FRAS1: variants seen among roughly 807,000 people sequenced by gnomAD.
FRAS1 encodes Fraser extracellular matrix complex subunit 1.
In FRAS1, 290 loss-of-function variants were observed where a neutral mutation model predicts 435.2. That is an observed-to-expected ratio of 0.67 (90% CI 0.61 to 0.73). FRAS1 has a LOEUF of 0.73. FRAS1 is among the 30% of genes least tolerant of loss of function. FRAS1 has a pLI of 0.00. For synonymous variants in FRAS1, 1,800 were observed against 1,851.0 expected, an observed-to-expected ratio of 0.97 and a Z score of 0.71; for missense variants, 4,860 against 5,001.5, an observed-to-expected ratio of 0.97 and a Z score of 0.85.
At chr4:78,215,797 A>T (rs1015907798) in intron 2 of FRAS1, among the ~76,000 whole-genome samples, 9 of 152,192 alleles carry the variant, frequency 5.9e-5, no homozygotes, top group Non-Finnish European at 1.2e-4. Context: ...TTCCTTCCTA[A>T]GCTGATTGAT....
intron 1 of FRAS1, among the ~76,000 whole-genome samples, chr4:78,062,763 G>A (rs1739815820): frequency 6.6e-6 from 1 of 152,158 alleles, no homozygotes. Flanking sequence ...TGCAAGAAAT[G>A]AGCCAGCCAC....
chr4:78,536,511 G>A (rs1022564453), intron 71 of FRAS1, among the ~76,000 whole-genome samples: 1 of 152,130 alleles, frequency 6.6e-6, no homozygotes, highest in African/African-American at 2.4e-5. Flanking sequence ...GTGACCTTCA[G>A]CAAATCACTT....
At chr4:78,249,655 G>A (rs143963233) in intron 4 of FRAS1, among the ~76,000 whole-genome samples, 1,578 of 152,138 alleles carry the variant, frequency 0.01, 12 homozygotes, top group Middle Eastern at 0.017. Context: ...ACAATTCTCA[G>A]GCTTTTGGGA....
At chr4:78,146,061 T>C (rs771583248) in intron 2 of FRAS1, among the ~76,000 whole-genome samples, 5 of 152,202 alleles carry the variant, frequency 3.3e-5, no homozygotes, top group Non-Finnish European at 7.3e-5. Flanking sequence ...TATTTCTTTA[T>C]GGCAGCATGA....
chr4:78,097,073 T>G (rs997261685), intron 2 of FRAS1, among the ~76,000 whole-genome samples: 1 of 152,202 alleles, frequency 6.6e-6, no homozygotes, highest in Non-Finnish European at 1.5e-5. Flanking sequence ...TTCTGCCAGA[T>G]ACCCTAAATC....
At chr4:78,380,717 T>G (rs1731980169) in intron 27 of FRAS1, among the ~76,000 whole-genome samples, 1 of 152,220 alleles carries the variant, frequency 6.6e-6, no homozygotes, top group South Asian at 2.1e-4. Context: ...CAGCATAGAC[T>G]CTATGTATAA....
chr4:78,229,626 A>G (rs554752673), intron 2 of FRAS1, among the ~76,000 whole-genome samples: 1 of 152,248 alleles, frequency 6.6e-6, no homozygotes, highest in African/African-American at 2.4e-5. Context: ...AAAGTCAGAG[A>G]GTAGAAGTAA....
At chr4:78,276,315 C>T (rs141254153) in intron 9 of FRAS1, among the ~76,000 whole-genome samples, 4,783 of 152,326 alleles carry the variant, frequency 0.031, 253 homozygotes, top group African/African-American at 0.11. Flanking sequence ...TCTCTCAGCT[C>T]GTCAAAGTCA....
intron 1 of FRAS1, among the ~76,000 whole-genome samples, chr4:78,061,169 A>G (rs1282972000): frequency 6.6e-6 from 1 of 152,220 alleles, no homozygotes; most frequent in East Asian, 1.9e-4. Flanking sequence ...CAAAAGAAAT[A>G]TCAAAAGAAA....
chr4:78,258,208 G>T (rs1413507936), intron 6 of FRAS1, among the ~76,000 whole-genome samples: 5 of 152,014 alleles, frequency 3.3e-5, no homozygotes, highest in African/African-American at 1.2e-4. Flanking sequence ...GGACATGATG[G>T]TTCATGCCTG....
At chr4:78,212,081 A>T (rs532652270) in intron 2 of FRAS1, among the ~76,000 whole-genome samples, 1 of 152,214 alleles carries the variant, frequency 6.6e-6, no homozygotes, top group Non-Finnish European at 1.5e-5. Flanking sequence ...ATATATATAC[A>T]CATTCATTCA....
intron 66 of FRAS1, among the ~76,000 whole-genome samples, chr4:78,517,959 AC>A (rs1336135151): frequency 2.0e-5 from 3 of 152,002 alleles, no homozygotes; most frequent in East Asian, 1.9e-4. Flanking sequence ...TTTAAAAAGA[AC>A]AAAAAGAGGG....
At chr4:78,113,600 G>T (rs990882912) in intron 2 of FRAS1, among the ~76,000 whole-genome samples, 2 of 152,190 alleles carry the variant, frequency 1.3e-5, no homozygotes, top group African/African-American at 4.8e-5. Flanking sequence ...ATTTTTTCAT[G>T]TGTCTTTTGG....
At chr4:78,311,198 C>T (rs1053647526) in intron 15 of FRAS1, among the ~76,000 whole-genome samples, 12 of 151,384 alleles carry the variant, frequency 7.9e-5, no homozygotes, top group Non-Finnish European at 1.5e-4. Flanking sequence ...TTTTTTCTTT[C>T]TCCCTTTTTT....
chr4:78,419,038 C>G lies in FRAS1; in HGVS notation c.4515C>G (p.Ile1505Met). 1 of 1,576,876 alleles carries G rather than the reference C, an allele frequency of 6.3e-7. No individual in the cohort carries two copies. Among genetic ancestry groups the G allele is most frequent in the Non-Finnish European group, 8.6e-7 (1 of 1,164,250 alleles). ...EKPSGKIVYN[I>M]TLPLHPNQGI... ...CAAGTGGAAAGATTGTCTACAACAT[C>G]ACTCTACCTCTGCATCCAAATCAAG... The change falls in exon 33 of 74, where the codon ATC becomes ATG. Residue 1505 changes from isoleucine (I) to methionine (M), a missense_variant. By Grantham distance (10) the Ile-to-Met change is conservative. Transcript: ENST00000512123.
chr4:78,391,901 A>T (rs571588314), intron 29 of FRAS1, among the ~76,000 whole-genome samples: 1 of 152,346 alleles, frequency 6.6e-6, no homozygotes, highest in South Asian at 2.1e-4. Flanking sequence ...AGTTACAAAT[A>T]TCAATGGCAT....
intron 2 of FRAS1, among the ~76,000 whole-genome samples, chr4:78,164,225 C>T (rs1284951658): frequency 6.6e-6 from 1 of 152,100 alleles, no homozygotes; most frequent in Admixed American, 6.6e-5. Context: ...GTGTGGGATG[C>T]TCAGGAGTTT....
At position 78,249,064 on chromosome 4, in the gene FRAS1, C is replaced by CATATATATATATATATATGCATATATAT. The variant is rs60505131; in HGVS notation, c.310-3310_310-3309insGCATATATATATATATATATATATATAT. ...AGAACTACTGATATATATATATATG[C>CATATATATATATATATATGCATATATAT]ATATATATATATATATATATATGCA... On this transcript the variant is annotated intron_variant, in intron 4 of 73. Coordinates refer to ENST00000512123, the MANE Select transcript of FRAS1 (RefSeq NM_025074.7). Among the ~76,000 whole-genome samples, 18 of 16,610 alleles carry CATATATATATATATATATGCATATATAT rather than the reference C, an allele frequency of 1.1e-3. 1 individual carries two copies. Among genetic ancestry groups the CATATATATATATATATATGCATATATAT allele is most frequent in the Non-Finnish European group, 2.5e-3 (12 of 4,716 alleles). 10.9% of individuals were successfully genotyped at this position (16,610 alleles called of 152,430 possible). A position where few individuals can be genotyped will look rare whatever the true frequency, so the allele number is the denominator to read the frequency against.
intron 2 of FRAS1, among the ~76,000 whole-genome samples, chr4:78,086,775 T>C (rs1413744944): frequency 6.6e-6 from 1 of 152,152 alleles, no homozygotes; most frequent in Non-Finnish European, 1.5e-5. Context: ...ATTGCGGCAA[T>C]AATTAATAGC....
Sources: gnomAD v4.1 joint callset for allele counts (sites outside exome capture counted in the v4.1 genomes callset) on GRCh38, gnomAD v4.1.1 for gene constraint, MANE v1.5 for transcripts, NCBI Gene and HGNC (gene_info 2026-07-23, HGNC 2026-07-21) for gene names.